DNAJC19: variants seen among roughly 807,000 people sequenced by gnomAD.
DNAJC19 encodes the protein DnaJ heat shock protein family (Hsp40) member C19.
Under a neutral mutation model 19.8 loss-of-function variants are expected in DNAJC19, and 15 were observed. The ratio of observed to expected loss-of-function variants is 0.76; its 90% CI spans 0.51 to 1.17. The LOEUF (loss-of-function observed/expected upper bound fraction) is 1.17, where lower values mean the gene tolerates loss of function less well. DNAJC19 is among the 50% of genes most tolerant of loss of function. DNAJC19 has a pLI of 0.00. For missense variants in DNAJC19, 105 were observed against 140.9 expected, an observed-to-expected ratio of 0.75 and a Z score of 1.29; for synonymous variants, 38 against 42.1, an observed-to-expected ratio of 0.90 and a Z score of 0.38.
chr3:180,988,110 C>T lies in DNAJC19; in HGVS notation c.56-14G>A, dbSNP rs758319618. 1 of 1,614,154 alleles carries T rather than the reference C, an allele frequency of 6.2e-7. No homozygotes were observed. Among genetic ancestry groups the T allele is most frequent in the Non-Finnish European group, 8.5e-7 (1 of 1,180,028 alleles). On this transcript the variant is annotated splice_polypyrimidine_tract_variant and intron_variant, in intron 2 of 5. Coordinates refer to ENST00000382564, the MANE Select transcript of DNAJC19 (RefSeq NM_145261.4). ...AAACGTAACGGCCTAAAACCAAAAGCAACAGAATAAGTAAACTAAATCTCC... is the reference window on the plus strand; with the variant it reads ...AAACGTAACGGCCTAAAACCAAAAGTAACAGAATAAGTAAACTAAATCTCC...
chr3:180,989,499 C>A, intron 1 of DNAJC19, 101 bp downstream of exon 1: 1 of 1,544,874 alleles, frequency 6.5e-7, no homozygotes, highest in South Asian at 1.2e-5. Flanking sequence ...CGCCCGCAGT[C>A]GCACTAAGGA....
chr3:180,987,149 G>A (rs909483568), intron 3 of DNAJC19, 127 bp from the exon 4 acceptor site: 19 of 804,000 alleles, frequency 2.4e-5, no homozygotes, highest in East Asian at 7.7e-5. Context: ...TGCAATTCCC[G>A]AGGTATTTTA....
Position 180,983,743 on chromosome 3 carries a change from A to G in DNAJC19, c.*897T>C. The G allele has an allele frequency of 4.5e-6, 2 of 441,016 alleles. No homozygotes were observed. Among genetic ancestry groups the G allele is most frequent in the South Asian group, 3.2e-5 (2 of 61,714 alleles). 27.3% of individuals were successfully genotyped at this position (441,016 alleles called of 1,614,324 possible). A position where few individuals can be genotyped will look rare whatever the true frequency, so the allele number is the denominator to read the frequency against. On this transcript the variant is annotated 3_prime_UTR_variant, in exon 6 of 6. Coordinates refer to ENST00000382564, the MANE Select transcript of DNAJC19 (RefSeq NM_145261.4). ...AAACATCATTTAAATTTATTAGTGT[A>G]TAAATTCTAAAGAGTCCAAATTAAA...
chr3:180,985,734 C>T, intron 5 of DNAJC19, 192 bp downstream of exon 5: 1 of 593,244 alleles, frequency 1.7e-6, no homozygotes. Context: ...GCACTTACAT[C>T]TGCTCATTCT....
At chr3:180,985,173 T>C (rs1343675420) in intron 5 of DNAJC19, among the ~76,000 whole-genome samples, 1 of 152,154 alleles carries the variant, frequency 6.6e-6, no homozygotes, top group African/African-American at 2.4e-5. Context: ...AGTTTTTCTT[T>C]TCCTGTTATC....
chr3:180,984,336 C>G lies in DNAJC19; in HGVS notation c.*304G>C. 2.1e-6 allele frequency: 1 copy of G among 467,682 alleles called. No individual in the cohort carries two copies. The highest frequency in any genetic ancestry group is 4.2e-6 in the Non-Finnish European group (1 of 235,702). 29.0% of individuals were successfully genotyped at this position (467,682 alleles called of 1,614,324 possible). On this transcript the variant is annotated 3_prime_UTR_variant, in exon 6 of 6. Transcript: ENST00000382564. ...CATTAAAGTGGGGGCTCCCTGAGAG[C>G]AAGGACTGTCATCTTCACTTTGCCT...
chr3:180,987,799 G>A, intron 3 of DNAJC19: 2 of 578,734 alleles, frequency 3.5e-6, no homozygotes, highest in Admixed American at 3.0e-5. Context: ...GTCTAGTGGG[G>A]TACTAGAATT....
chr3:180,987,305 G>A (rs1434954228), intron 3 of DNAJC19: 2 of 424,388 alleles, frequency 4.7e-6, no homozygotes, highest in Non-Finnish European at 8.5e-6. Context: ...TCTTCCGGGA[G>A]TAAAGGAAAG....
intron 3 of DNAJC19, 188 bp downstream of exon 3, chr3:180,987,835 C>T: frequency 4.3e-6 from 3 of 694,122 alleles, no homozygotes; most frequent in Non-Finnish European, 4.9e-6. Context: ...AACTCTGTCA[C>T]ATATAACATC....
At chr3:180,986,235 T>C (rs1024299113) in intron 4 of DNAJC19, among the ~76,000 whole-genome samples, 1 of 152,086 alleles carries the variant, frequency 6.6e-6, no homozygotes, top group Non-Finnish European at 1.5e-5. Context: ...AGTCCTTTTA[T>C]TGATAAGAAA....
At chr3:180,987,888 T>C in intron 3 of DNAJC19, 135 bp downstream of exon 3, 2 of 1,044,268 alleles carry the variant, frequency 1.9e-6, no homozygotes. Flanking sequence ...AGAACTTCTA[T>C]ACTCTCCTTG....
intron 1 of DNAJC19, among the ~76,000 whole-genome samples, chr3:180,989,024 A>C (rs1232112016): frequency 6.9e-6 from 1 of 145,472 alleles, no homozygotes; most frequent in Admixed American, 6.8e-5. Flanking sequence ...AAAAAAAAAA[A>C]TGTGGAAATA....
intron 4 of DNAJC19, 96 bp downstream of exon 4, chr3:180,986,847 T>C (rs1714934659): frequency 9.9e-7 from 1 of 1,014,610 alleles, no homozygotes; most frequent in Non-Finnish European, 1.6e-6. Flanking sequence ...AAATCCCCCA[T>C]GACCCTCTCC....
chr3:180,987,926 A>G lies in DNAJC19; in HGVS notation c.129+97T>C. 3 of 1,427,924 alleles carry G rather than the reference A, an allele frequency of 2.1e-6. No individual in the cohort carries two copies. The South Asian group carries it at 3.5e-5, about 17-fold the overall frequency. The allele number at this position is 1,427,924 out of a possible 1,614,324, so 88.5% of individuals were successfully genotyped here. On this transcript the variant is annotated intron_variant, in intron 3 of 5. Coordinates refer to ENST00000382564, the MANE Select transcript of DNAJC19 (RefSeq NM_145261.4). Reference sequence around the variant, plus strand: ...GGAAGCAGGAGAATGGGTCCAAAGCAATCACTTAGAACTTCATGGATATTT... The same window carrying G: ...GGAAGCAGGAGAATGGGTCCAAAGCGATCACTTAGAACTTCATGGATATTT...
At position 180,984,584 on chromosome 3, in the gene DNAJC19, A is replaced by G; in HGVS notation, c.*56T>C. The stretch of plus-strand genomic sequence containing the variant: ...AGCTCTGAGGCATTTTATTATAAAA[A>G]CTTAGTACTCATATACATAAACTAA... On this transcript the variant is annotated 3_prime_UTR_variant, in exon 6 of 6. Coordinates refer to ENST00000382564, the MANE Select transcript of DNAJC19 (RefSeq NM_145261.4). 1 of 1,238,378 alleles carries G rather than the reference A, an allele frequency of 8.1e-7. No individual in the cohort carries two copies. Among genetic ancestry groups the G allele is most frequent in the Non-Finnish European group, 1.2e-6 (1 of 863,754 alleles). The allele number at this position is 1,238,378 out of a possible 1,614,324, so 76.7% of individuals were successfully genotyped here.
intron 5 of DNAJC19, chr3:180,985,293 T>C (rs2108507469): frequency 6.5e-6 from 1 of 154,098 alleles, no homozygotes; most frequent in African/African-American, 2.4e-5. Flanking sequence ...AAATTTAGTA[T>C]AAATGCATAT....
intron 2 of DNAJC19, 28 bp downstream of exon 2, chr3:180,988,150 C>T (rs774707859): frequency 1.2e-6 from 2 of 1,614,186 alleles, no homozygotes; most frequent in South Asian, 2.2e-5. Flanking sequence ...TCCCCGACTT[C>T]ACTTCCATCC....
At chr3:180,987,846 T>A in intron 3 of DNAJC19, 177 bp downstream of exon 3, 1 of 729,436 alleles carries the variant, frequency 1.4e-6, no homozygotes, top group Non-Finnish European at 2.3e-6. Context: ...ATATAACATC[T>A]GATGTTTCAG....
chr3:180,988,799 G>A (rs961292115), intron 1 of DNAJC19, among the ~76,000 whole-genome samples: 1 of 150,962 alleles, frequency 6.6e-6, no homozygotes, highest in African/African-American at 2.4e-5. Flanking sequence ...TCGGGAGATC[G>A]AGACCATCCT....
Sources: gnomAD v4.1 joint callset for allele counts (sites outside exome capture counted in the v4.1 genomes callset) on GRCh38, gnomAD v4.1.1 for gene constraint, MANE v1.5 for transcripts, NCBI Gene and HGNC (gene_info 2026-07-23, HGNC 2026-07-21) for gene names.